PAX7: variants seen among roughly 807,000 people sequenced by gnomAD.
PAX7 encodes paired box 7.
In PAX7, 18 loss-of-function variants were observed where a neutral mutation model predicts 50.7. That is an observed-to-expected ratio of 0.36 (90% CI 0.25 to 0.53). The LOEUF (loss-of-function observed/expected upper bound fraction) is 0.53. PAX7 is among the 20% of genes least tolerant of loss of function. The pLI is 0.93. For synonymous variants in PAX7, 310 were observed against 290.4 expected (o/e 1.07, Z -0.69); for missense variants, 644 against 702.9 (o/e 0.92, Z 0.95).
At chr1:18,645,139 TG>T (rs2088317278) in intron 4 of PAX7, among the ~76,000 whole-genome samples, 13 of 152,222 alleles carry the variant, frequency 8.5e-5, no homozygotes, top group South Asian at 6.2e-4. Flanking sequence ...TGAGTGTGTG[TG>T]CGCGCGCGCG....
intron 7 of PAX7, among the ~76,000 whole-genome samples, chr1:18,717,295 C>A (rs1045027394): frequency 1.3e-5 from 2 of 152,158 alleles, no homozygotes; most frequent in Non-Finnish European, 2.9e-5. Context: ...GGGCCTCGGC[C>A]GTCTCGGGAC....
chr1:18,700,553 A>G lies in PAX7; in HGVS notation c.787-100A>G, dbSNP rs1451751905. ...GGGCCTGCAGGAGGATGCTGGCTGG[A>G]TCAGAGGGTGATGGCTTGGGCAACT... On this transcript the variant is annotated intron_variant, in intron 5 of 8. Transcript: ENST00000420770. The surrounding 1 kb of genome is among the most constrained non-coding windows in gnomAD (Gnocchi z 4.8). The G allele has an allele frequency of 4.4e-6, 5 of 1,123,598 alleles. No homozygotes were observed. The highest frequency in any genetic ancestry group is 6.1e-6 in the Non-Finnish European group (5 of 814,278). 69.6% of individuals were successfully genotyped at this position (1,123,598 alleles called of 1,614,324 possible).
chr1:18,653,458 G>A (rs978330250), intron 4 of PAX7, among the ~76,000 whole-genome samples: 2 of 152,132 alleles, frequency 1.3e-5, no homozygotes, highest in African/African-American at 4.8e-5. Context: ...CTTGGGGGAG[G>A]TGTCGCTTTC....
chr1:18,652,232 G>A (rs1416409321), intron 4 of PAX7, among the ~76,000 whole-genome samples: 1 of 151,868 alleles, frequency 6.6e-6, no homozygotes, highest in African/African-American at 2.4e-5. Flanking sequence ...AACCTCAACT[G>A]GCCCCCTTCT....
At chr1:18,663,276 G>A (rs1321517957) in intron 4 of PAX7, among the ~76,000 whole-genome samples, 1 of 152,222 alleles carries the variant, frequency 6.6e-6, no homozygotes, top group Non-Finnish European at 1.5e-5. Context: ...AGCCATTGCT[G>A]TCCCCATTGT....
At chr1:18,647,687 G>C (rs535498650) in intron 4 of PAX7, among the ~76,000 whole-genome samples, 1 of 152,292 alleles carries the variant, frequency 6.6e-6, no homozygotes, top group East Asian at 1.9e-4. Context: ...AGGGCAAACT[G>C]GGAGGCTGGA....
At chr1:18,679,285 A>G (rs1441045831) in intron 4 of PAX7, among the ~76,000 whole-genome samples, 1 of 152,130 alleles carries the variant, frequency 6.6e-6, no homozygotes, top group African/African-American at 2.4e-5. Flanking sequence ...CCTCCAAACA[A>G]CTTTCCAACT....
At chr1:18,652,838 T>TG (rs908658671) in intron 4 of PAX7, among the ~76,000 whole-genome samples, 47 of 152,286 alleles carry the variant, frequency 3.1e-4, no homozygotes, top group African/African-American at 1.1e-3. Context: ...GCCCACCTCT[T>TG]GCTATGTGCC....
chr1:18,679,342 G>A (rs1239250117), intron 4 of PAX7, among the ~76,000 whole-genome samples: 1 of 152,258 alleles, frequency 6.6e-6, no homozygotes, highest in Non-Finnish European at 1.5e-5. Context: ...GAGGAGGGGT[G>A]AGGGCGTGGG....
chr1:18,654,598 A>T (rs1269199208), intron 4 of PAX7, among the ~76,000 whole-genome samples: 1 of 152,230 alleles, frequency 6.6e-6, no homozygotes, highest in Non-Finnish European at 1.5e-5. Context: ...AGCAGAGGAA[A>T]AAAACCACAA....
intron 4 of PAX7, among the ~76,000 whole-genome samples, chr1:18,660,539 C>G (rs1323713821): frequency 6.6e-6 from 1 of 152,120 alleles, no homozygotes. Context: ...CTCCCTTCCA[C>G]GCCCCAAGAT....
At chr1:18,683,588 C>T (rs2088929720) in intron 4 of PAX7, among the ~76,000 whole-genome samples, 1 of 152,122 alleles carries the variant, frequency 6.6e-6, no homozygotes, top group African/African-American at 2.4e-5. Flanking sequence ...GCCTGTAATC[C>T]CAGCACTGTG....
intron 7 of PAX7, among the ~76,000 whole-genome samples, chr1:18,722,778 G>T (rs1236844498): frequency 1.3e-5 from 2 of 152,164 alleles, no homozygotes; most frequent in South Asian, 2.1e-4. Flanking sequence ...GGTCCATCTC[G>T]TGAGGGGAGA....
rs951136216 is a variant in PAX7 at position 18,630,925 on chromosome 1, CCT to C, written c.-678_-677del. 1.0e-5 allele frequency: 2 copies of C among 199,206 alleles called. No homozygotes were observed. The highest frequency in any genetic ancestry group is 2.1e-5 in the Non-Finnish European group (2 of 96,422). 12.3% of individuals were successfully genotyped at this position (199,206 alleles called of 1,614,324 possible). A position where few individuals can be genotyped will look rare whatever the true frequency, so the allele number is the denominator to read the frequency against. ...TTCTCTTTCCCCAACCCCGTCACCC[CCT>C]GTCTCCTCCGTCCAGCCCTGAAACC... On this transcript the variant is annotated 5_prime_UTR_variant, in exon 1 of 9. Transcript: ENST00000420770.
chr1:18,635,148 A>G lies in PAX7; in HGVS notation c.359A>G (p.Glu120Gly), dbSNP rs1050957153. 1.2e-6 allele frequency: 2 copies of G among 1,613,856 alleles called. No homozygotes were observed. Among genetic ancestry groups the G allele is most frequent in the African/African-American group, 2.7e-5 (2 of 74,918 alleles). The change falls in exon 3 of 9, where the codon GAG becomes GGG. Residue 120 changes from glutamate to glycine, a missense_variant. Coordinates refer to ENST00000420770, the MANE Select transcript of PAX7 (RefSeq NM_001135254.2). ...ATPDVEKKIE[E>G]YKRENPGMFS... The stretch of plus-strand genomic sequence containing the variant: ...CCGGATGTAGAGAAAAAGATTGAGG[A>G]GTACAAGAGGGAAAACCCAGGCATG...
Position 18,690,850 on chromosome 1 carries a change from C to G in PAX7, c.587-904C>G, listed in dbSNP as rs75876515. 2.1e-3 allele frequency among the ~76,000 whole-genome samples: 313 copies of G among 152,338 alleles called. 3 individuals carry two copies. In the South Asian group the frequency reaches 0.03, roughly 14 times the overall value. ...AGCTTGTCAGTGGAAGTCGCCTAAT[C>G]CAAACCCTTCATGTCACAAATGGGG... On this transcript the variant is annotated intron_variant, in intron 4 of 8. Coordinates refer to ENST00000420770, the MANE Select transcript of PAX7 (RefSeq NM_001135254.2).
intron 7 of PAX7, among the ~76,000 whole-genome samples, chr1:18,711,947 C>T (rs750625223): frequency 9.9e-5 from 15 of 152,158 alleles, no homozygotes; most frequent in Non-Finnish European, 2.1e-4. Context: ...CTCCCCTGCC[C>T]CACCCAAACC....
In PAX7 at chr1:18,735,753, G is replaced by C. The variant is rs371958619; in HGVS notation, c.1277G>C (p.Arg426Pro). ...TCCATCTCAGCCAGCTGCAGCCAGC[G>C]GGCCGACTCCATCAAGCCAGGAGAC... ...ATSISASCSQRADSIKPGDSL... is the reference protein window; with the variant it reads ...ATSISASCSQPADSIKPGDSL... Residue 426 changes from arginine to proline, a missense_variant, in exon 8 of 9, where the codon CGG (arginine) becomes CCG (proline). Physicochemically the swap from Arg to Pro is moderately radical, Grantham distance 103. Transcript: ENST00000420770. The surrounding 1 kb of genome is among the most constrained non-coding windows in gnomAD (Gnocchi z 4.0). The C allele has an allele frequency of 4.3e-6, 7 of 1,613,948 alleles. No individual in the cohort carries two copies. The East Asian group carries it at 1.3e-4, about 31-fold the overall frequency.
chr1:18,689,612 G>T (rs751897165), intron 4 of PAX7, among the ~76,000 whole-genome samples: 2 of 152,194 alleles, frequency 1.3e-5, no homozygotes, highest in Non-Finnish European at 2.9e-5. Flanking sequence ...ACTTTCCAAC[G>T]GACAAGATAG....
Sources: allele counts gnomAD v4.1 joint callset (sites outside exome capture counted in the v4.1 genomes callset), GRCh38; gene constraint gnomAD v4.1.1; non-coding constraint Gnocchi (gnomAD v3.1); transcripts MANE v1.5; gene names NCBI Gene and HGNC (gene_info 2026-07-23, HGNC 2026-07-21).